The following KLF13 variants were observed in gnomAD, a reference collection of about 807,000 sequenced individuals.
The protein encoded by KLF13 is Krueppel-like factor 13.
KLF13 carries 8 observed loss-of-function variants against 16.7 expected under a neutral mutation model. The ratio of observed to expected loss-of-function variants is 0.48; its 90% CI spans 0.28 to 0.87. The LOEUF is 0.87. KLF13 is among the 40% of genes least tolerant of loss of function. KLF13 has a pLI of 0.10. For synonymous variants in KLF13, 245 were observed against 208.4 expected, an observed-to-expected ratio of 1.18 and a Z score of -1.51; for missense variants, 447 against 452.2, an observed-to-expected ratio of 0.99 and a Z score of 0.10.
At position 31,427,219 on chromosome 15, in the gene KLF13, CCTCT is replaced by C. The variant is rs146293459; in HGVS notation, n.118-8148_118-8145del. Among the ~76,000 whole-genome samples the C allele has an allele frequency of 1.5e-3, 223 of 152,178 alleles. 1 individual carries two copies. The highest frequency in any genetic ancestry group is 5.0e-3 in the African/African-American group (208 of 41,518). ...ATCCATCCATCTCTCACTGGTTTTA[CCTCT>C]CTAAGTATATGAAAAGATGCACAGC... On this transcript the variant is annotated intron_variant and non_coding_transcript_variant, in intron 1 of 1. Transcript: ENST00000558225.
At chr15:31,349,608 G>C (rs2039184217) in intron 1 of KLF13, among the ~76,000 whole-genome samples, 1 of 152,246 alleles carries the variant, frequency 6.6e-6, no homozygotes, top group Non-Finnish European at 1.5e-5. Flanking sequence ...TGCAAGGGCA[G>C]TGCTGTGTTC....
intron 1 of KLF13, among the ~76,000 whole-genome samples, chr15:31,363,643 C>T (rs10775153): frequency 0.81 from 123,862 of 152,082 alleles, 50,692 homozygotes; most frequent in South Asian, 0.9. Flanking sequence ...CTCGCCACCA[C>T]GCCCGGCTGA....
At chr15:31,411,835 T>A (rs1283749478) in intron 1 of KLF13, among the ~76,000 whole-genome samples, 1 of 152,158 alleles carries the variant, frequency 6.6e-6, no homozygotes, top group Admixed American at 6.5e-5. Flanking sequence ...TTGAAATAAA[T>A]AGGACATTTC....
chr15:31,327,803 C>A lies in KLF13; in HGVS notation c.577+14C>A. Reference sequence around the variant, plus strand: ...GAACTCACACAGGTCAGTGGGGCGGCGCGGGCGCCCGGATCGCGCGGACGG... The same window carrying A: ...GAACTCACACAGGTCAGTGGGGCGGAGCGGGCGCCCGGATCGCGCGGACGG... On this transcript the variant is annotated intron_variant, in intron 1 of 1. Coordinates refer to ENST00000307145, the MANE Select transcript of KLF13 (RefSeq NM_015995.4). 1 of 1,457,238 alleles carries A rather than the reference C, an allele frequency of 6.9e-7. No individual in the cohort carries two copies. Among genetic ancestry groups the A allele is most frequent in the Non-Finnish European group, 9.2e-7 (1 of 1,092,528 alleles). The allele number at this position is 1,457,238 out of a possible 1,614,324, so 90.3% of individuals were successfully genotyped here.
exon 3 of KLF13, chr15:31,403,939 C>T (rs2140994821): frequency 6.6e-6 from 1 of 152,364 alleles, no homozygotes; most frequent in South Asian, 2.1e-4. Context: ...TGTGGGATGG[C>T]TCTGTCCTTG....
chr15:31,425,285 T>C (rs1566849505), intron 1 of KLF13, among the ~76,000 whole-genome samples: 1 of 152,182 alleles, frequency 6.6e-6, no homozygotes, highest in Non-Finnish European at 1.5e-5. Context: ...AAAAATTTTC[T>C]AAAATGTATA....
chr15:31,363,180 G>A (rs1208814691), intron 1 of KLF13, among the ~76,000 whole-genome samples: 1 of 152,212 alleles, frequency 6.6e-6, no homozygotes, highest in African/African-American at 2.4e-5. Flanking sequence ...CCTCACCAAG[G>A]TGATAAGCTA....
At chr15:31,405,583 TAGG>T (rs752827446), downstream of KLF13, among the ~76,000 whole-genome samples, 2 of 152,168 alleles carry the variant, frequency 1.3e-5, no homozygotes, top group African/African-American at 4.8e-5. Flanking sequence ...GAAGTGAACT[TAGG>T]AGGAGGGTTA....
intron 1 of KLF13, among the ~76,000 whole-genome samples, chr15:31,418,706 T>TC (rs1366721292): frequency 6.6e-6 from 1 of 151,826 alleles, no homozygotes; most frequent in Non-Finnish European, 1.5e-5. Flanking sequence ...GAAAATTTTT[T>TC]CTACAAAAAT....
intron 1 of KLF13, among the ~76,000 whole-genome samples, chr15:31,346,439 G>A (rs2039118790): frequency 6.6e-6 from 1 of 152,286 alleles, no homozygotes; most frequent in African/African-American, 2.4e-5. Flanking sequence ...CCAGTATTCA[G>A]CCACCCTGGA....
intron 1 of KLF13, among the ~76,000 whole-genome samples, chr15:31,350,528 T>C (rs1263643329): frequency 6.6e-6 from 1 of 152,242 alleles, no homozygotes; most frequent in Non-Finnish European, 1.5e-5. Context: ...TAGGAAATTA[T>C]GCCCCTGCAG....
At chr15:31,405,159 G>C (rs142088505), downstream of KLF13, among the ~76,000 whole-genome samples, 507 of 152,268 alleles carry the variant, frequency 3.3e-3, 1 homozygote, top group African/African-American at 0.011. Flanking sequence ...TAGTGCCTTA[G>C]AAAACAAGAG....
chr15:31,355,304 C>G (rs2039283443), intron 1 of KLF13, among the ~76,000 whole-genome samples: 1 of 152,212 alleles, frequency 6.6e-6, no homozygotes. Context: ...GCAGGGCCAG[C>G]ACTCTCCAAT....
chr15:31,339,589 G>A (rs1021287095), intron 1 of KLF13, among the ~76,000 whole-genome samples: 2 of 152,218 alleles, frequency 1.3e-5, no homozygotes, highest in Non-Finnish European at 2.9e-5. Flanking sequence ...CCTGTGGGGG[G>A]TTCAGATACC....
intron 1 of KLF13, among the ~76,000 whole-genome samples, chr15:31,336,695 G>A (rs1019199965): frequency 1.1e-4 from 16 of 152,154 alleles, no homozygotes; most frequent in African/African-American, 3.6e-4. Context: ...GAAATAGAGC[G>A]AAGGCGTATG....
At chr15:31,331,971 C>T (rs1165653931) in intron 1 of KLF13, among the ~76,000 whole-genome samples, 1 of 152,226 alleles carries the variant, frequency 6.6e-6, no homozygotes, top group East Asian at 1.9e-4. Context: ...TTCACAGCCG[C>T]ATGGTATTCC....
chr15:31,419,109 T>A (rs571753878), intron 1 of KLF13, among the ~76,000 whole-genome samples: 3 of 152,180 alleles, frequency 2.0e-5, no homozygotes, highest in Non-Finnish European at 2.9e-5. Flanking sequence ...TATTTCATGG[T>A]GCATCCCCCC....
intron 1 of KLF13, among the ~76,000 whole-genome samples, chr15:31,361,712 A>G (rs1042378311): frequency 5.3e-5 from 8 of 152,110 alleles, no homozygotes; most frequent in Non-Finnish European, 8.8e-5. Flanking sequence ...CCTGGGGTGC[A>G]GAGCTGGGGC....
rs576606482 is a variant in KLF13 at position 31,360,603 on chromosome 15, G to A, written c.578-11407G>A. On this transcript the variant is annotated intron_variant, in intron 1 of 1. Transcript: ENST00000307145. Reference sequence around the variant, plus strand: ...ATGGGCCTGGGCTGCTGCAGGAGAGGTCTGGGGGCTTTCTAGCTCCTCCCT... The same window carrying A: ...ATGGGCCTGGGCTGCTGCAGGAGAGATCTGGGGGCTTTCTAGCTCCTCCCT... Among the ~76,000 whole-genome samples the A allele has an allele frequency of 9.9e-5, 15 of 152,262 alleles. No homozygotes were observed. The East Asian group carries it at 2.9e-3, about 29-fold the overall frequency.
Sources: gnomAD v4.1 joint callset for allele counts (sites outside exome capture counted in the v4.1 genomes callset) on GRCh38, gnomAD v4.1.1 for gene constraint, MANE v1.5 for transcripts, NCBI Gene and HGNC (gene_info 2026-07-23, HGNC 2026-07-21) for gene names.